Variants in SLC24A2 observed in about 807,000 individuals in gnomAD.
SLC24A2 encodes solute carrier family 24 member 2, also known as sodium/potassium/calcium exchanger 2.
Under a neutral mutation model 62.0 loss-of-function variants are expected in SLC24A2, and 36 were observed. The observed-to-expected ratio is 0.58, with a 90% CI of 0.44 to 0.77. SLC24A2 has a LOEUF of 0.77. Ranked by LOEUF, SLC24A2 falls within the 30% of genes least tolerant of loss-of-function variation. The probability of loss-of-function intolerance (pLI) is 0.00; values close to 1 mark genes in which losing one functional copy is unlikely to be tolerated. For missense variants in SLC24A2, 846 were observed against 817.9 expected (o/e 1.03, Z -0.42); for synonymous variants, 358 against 294.0 (o/e 1.22, Z -2.23).
intron 2 of SLC24A2, among the ~76,000 whole-genome samples, chr9:19,767,543 T>C (rs980829380): frequency 7.2e-5 from 11 of 152,124 alleles, no homozygotes; most frequent in African/African-American, 2.7e-4. Flanking sequence ...TGGCTTCCTT[T>C]GGGTAGGGGA....
chr9:20,143,087 T>C, the SLC24A2 span, among the ~76,000 whole-genome samples: 2 of 152,238 alleles, frequency 1.3e-5, no homozygotes, highest in Non-Finnish European at 2.9e-5. Flanking sequence ...CATTCAAATG[T>C]AGGTCTGCTG....
the SLC24A2 span, among the ~76,000 whole-genome samples, chr9:20,222,960 A>C: frequency 6.6e-6 from 1 of 152,080 alleles, no homozygotes; most frequent in East Asian, 1.9e-4. Context: ...TAAACTTGGA[A>C]AGGCACAAGC....
the SLC24A2 span, among the ~76,000 whole-genome samples, chr9:20,106,845 C>T: frequency 6.6e-6 from 1 of 151,992 alleles, no homozygotes; most frequent in Non-Finnish European, 1.5e-5. Flanking sequence ...GAAGTTCTGG[C>T]CAGGGCAATT....
At chr9:19,620,240 A>T (rs182923558) in intron 3 of SLC24A2, among the ~76,000 whole-genome samples, 10 of 152,392 alleles carry the variant, frequency 6.6e-5, no homozygotes, top group African/African-American at 1.9e-4. Context: ...ACATACTAAA[A>T]TATGAACATA....
chr9:19,815,957 C>CA, the SLC24A2 span, among the ~76,000 whole-genome samples: 1 of 88,884 alleles, frequency 1.1e-5, no homozygotes, highest in South Asian at 4.0e-4. Flanking sequence ...TATTTTTTGC[C>CA]CCTTTTTTTT....
In SLC24A2 at chr9:19,552,791, C is replaced by T. The variant is rs114119864; in HGVS notation, c.1348-2523G>A. On this transcript the variant is annotated intron_variant, in intron 7 of 10. Transcript: ENST00000341998. ...TCTGCTTATAACCTACGGATTAGCTCCTTTCTCCATCTGCCAAAGTCACCA... is the reference window on the plus strand; with the variant it reads ...TCTGCTTATAACCTACGGATTAGCTTCTTTCTCCATCTGCCAAAGTCACCA... Among the ~76,000 whole-genome samples the T allele has an allele frequency of 2.4e-3, 360 of 152,352 alleles. 1 individual carries two copies. The highest frequency in any genetic ancestry group is 8.4e-3 in the African/African-American group (348 of 41,576).
the SLC24A2 span, among the ~76,000 whole-genome samples, chr9:20,084,359 G>C: frequency 6.6e-6 from 1 of 152,126 alleles, no homozygotes; most frequent in Non-Finnish European, 1.5e-5. Flanking sequence ...CAGGTTCAAC[G>C]ACCTGATGTC....
the SLC24A2 span, among the ~76,000 whole-genome samples, chr9:20,135,521 G>C: frequency 6.6e-6 from 1 of 151,996 alleles, no homozygotes; most frequent in Non-Finnish European, 1.5e-5. Context: ...GCAATATGAA[G>C]ATAACGATTC....
At chr9:20,091,249 G>C in the SLC24A2 span, among the ~76,000 whole-genome samples, 1 of 151,722 alleles carries the variant, frequency 6.6e-6, no homozygotes, top group Non-Finnish European at 1.5e-5. Context: ...TGCTGAAAGG[G>C]ATGATAAGAA....
At chr9:20,163,790 A>T in the SLC24A2 span, among the ~76,000 whole-genome samples, 1 of 152,298 alleles carries the variant, frequency 6.6e-6, no homozygotes, top group East Asian at 1.9e-4. Context: ...AGAGATATAG[A>T]CCAATGGAAC....
At chr9:19,779,624 A>G (rs1181925525) in intron 2 of SLC24A2, among the ~76,000 whole-genome samples, 2 of 152,236 alleles carry the variant, frequency 1.3e-5, no homozygotes, top group Non-Finnish European at 2.9e-5. Context: ...CTGTAGATAA[A>G]AGGTTTGGTA....
chr9:19,679,458 T>C (rs577771794), intron 2 of SLC24A2, among the ~76,000 whole-genome samples: 29 of 152,234 alleles, frequency 1.9e-4, no homozygotes, highest in African/African-American at 6.7e-4. Flanking sequence ...GTCAACTTGA[T>C]TGGGCTAAGG....
chr9:19,880,278 A>G, the SLC24A2 span, among the ~76,000 whole-genome samples: 1 of 152,212 alleles, frequency 6.6e-6, no homozygotes, highest in African/African-American at 2.4e-5. Flanking sequence ...AGAACCAGGG[A>G]AGTAACTCGG....
intron 2 of SLC24A2, among the ~76,000 whole-genome samples, chr9:19,746,183 A>T (rs1473751401): frequency 6.6e-6 from 1 of 151,938 alleles, no homozygotes; most frequent in African/African-American, 2.4e-5. Flanking sequence ...CAACACTGTC[A>T]GGAGGTAAGC....
chr9:19,525,133 A>G (rs1833374166), intron 9 of SLC24A2, among the ~76,000 whole-genome samples: 1 of 152,186 alleles, frequency 6.6e-6, no homozygotes, highest in South Asian at 2.1e-4. Flanking sequence ...GGCACAGAGA[A>G]CTTGCTCAGG....
the SLC24A2 span, among the ~76,000 whole-genome samples, chr9:20,190,676 C>G: frequency 1.3e-5 from 2 of 151,970 alleles, no homozygotes; most frequent in Admixed American, 1.3e-4. Flanking sequence ...CTGTTGGACT[C>G]CAAACCTGTG....
the SLC24A2 span, among the ~76,000 whole-genome samples, chr9:19,952,432 T>C: frequency 6.6e-6 from 1 of 152,032 alleles, no homozygotes; most frequent in South Asian, 2.1e-4. Flanking sequence ...TTAGCTGTAG[T>C]TTTTTGTCAC....
At chr9:19,785,140 A>AT (rs1587324287) in intron 2 of SLC24A2, among the ~76,000 whole-genome samples, 1 of 152,228 alleles carries the variant, frequency 6.6e-6, no homozygotes, top group East Asian at 1.9e-4. Flanking sequence ...TTTGTCCACT[A>AT]TTTAAAAAAA....
At chr9:20,071,781 G>C in the SLC24A2 span, among the ~76,000 whole-genome samples, 1 of 152,094 alleles carries the variant, frequency 6.6e-6, no homozygotes, top group South Asian at 2.1e-4. Flanking sequence ...GCTGGTGTCT[G>C]CTGCAGTCGC....
Sources: gnomAD v4.1 joint callset for allele counts (sites outside exome capture counted in the v4.1 genomes callset) on GRCh38, gnomAD v4.1.1 for gene constraint, MANE v1.5 for transcripts, NCBI Gene and HGNC (gene_info 2026-07-23, HGNC 2026-07-21) for gene names.